Variants in DYNC1I1 observed in about 807,000 individuals in gnomAD.
The protein encoded by DYNC1I1 is cytoplasmic dynein 1 intermediate chain 1.
In DYNC1I1, 43 loss-of-function variants were observed where a neutral mutation model predicts 86.6. That is an observed-to-expected ratio of 0.50 (90% confidence interval 0.39 to 0.64). DYNC1I1 has a LOEUF of 0.64. DYNC1I1 is among the 30% of genes least tolerant of loss of function. The pLI, the probability that DYNC1I1 is intolerant of heterozygous loss-of-function variation, is 0.00. For missense variants in DYNC1I1, 604 were observed against 788.8 expected, an observed-to-expected ratio of 0.77 and a Z score of 2.81; for synonymous variants, 262 against 283.7, an observed-to-expected ratio of 0.92 and a Z score of 0.77.
At chr7:95,873,689 A>G (rs1242357065) in intron 6 of DYNC1I1, among the ~76,000 whole-genome samples, 2 of 152,172 alleles carry the variant, frequency 1.3e-5, no homozygotes, top group Admixed American at 6.5e-5. Flanking sequence ...GAGATTGACA[A>G]GGGCTACAGA....
intron 14 of DYNC1I1, among the ~76,000 whole-genome samples, chr7:96,074,728 A>C (rs1273041171): frequency 1.3e-5 from 2 of 152,190 alleles, no homozygotes; most frequent in Non-Finnish European, 2.9e-5. Context: ...TTCAGCAGAG[A>C]TATTTTGTGC....
intron 6 of DYNC1I1, among the ~76,000 whole-genome samples, chr7:95,940,351 C>T (rs1461887903): frequency 1.3e-5 from 2 of 152,096 alleles, no homozygotes; most frequent in African/African-American, 2.4e-5. Context: ...GCCTGCCTTG[C>T]TAGATTGGGG....
chr7:95,932,715 T>G (rs989778809), intron 6 of DYNC1I1, among the ~76,000 whole-genome samples: 10 of 152,142 alleles, frequency 6.6e-5, no homozygotes, highest in African/African-American at 2.4e-4. Flanking sequence ...TTGTTCAAGA[T>G]CATAGTAGTA....
chr7:95,781,793 A>G (rs1794000309), intron 1 of DYNC1I1, among the ~76,000 whole-genome samples: 1 of 152,188 alleles, frequency 6.6e-6, no homozygotes. Context: ...GTACTTTCTT[A>G]TTCTTTACAC....
chr7:95,788,252 G>A (rs999004800), intron 1 of DYNC1I1, among the ~76,000 whole-genome samples: 1 of 152,166 alleles, frequency 6.6e-6, no homozygotes, highest in African/African-American at 2.4e-5. Flanking sequence ...GCAGAAATAT[G>A]GATGACAGAT....
At chr7:95,918,411 C>T (rs1046497608) in intron 6 of DYNC1I1, among the ~76,000 whole-genome samples, 1 of 152,166 alleles carries the variant, frequency 6.6e-6, no homozygotes, top group Non-Finnish European at 1.5e-5. Context: ...TTCTCCTCCC[C>T]ACTTGCTAAC....
In DYNC1I1 at chr7:96,032,618, C is replaced by G. The variant is rs12164097; in HGVS notation, c.1117-49C>G. ...AATGTGTTTGACACTCAAATGTAAG[C>G]ATTTCCTCTTGGATCTGTCTCTGAT... On this transcript the variant is annotated intron_variant, in intron 11 of 16. Coordinates refer to ENST00000447467, the MANE Select transcript of DYNC1I1 (RefSeq NM_001135556.2). 5.9e-5 allele frequency: 82 copies of G among 1,390,358 alleles called. No individual in the cohort carries two copies. The East Asian group carries it at 1.1e-3, about 18-fold the overall frequency. 86.1% of individuals were successfully genotyped at this position (1,390,358 alleles called of 1,614,324 possible).
intron 16 of DYNC1I1, among the ~76,000 whole-genome samples, chr7:96,088,149 G>A (rs1300908873): frequency 1.3e-5 from 2 of 152,008 alleles, no homozygotes; most frequent in African/African-American, 2.4e-5. Flanking sequence ...GCTTATTCAG[G>A]TAGCATTAGT....
intron 1 of DYNC1I1, among the ~76,000 whole-genome samples, chr7:95,782,901 T>C (rs1011316928): frequency 2.0e-5 from 3 of 152,150 alleles, no homozygotes; most frequent in African/African-American, 7.2e-5. Flanking sequence ...CGAACTCCTC[T>C]CGATGTTCAG....
chr7:95,785,773 GTGTATATATA>G (rs1229290929), intron 1 of DYNC1I1, among the ~76,000 whole-genome samples: 1 of 56,438 alleles, frequency 1.8e-5, no homozygotes, highest in East Asian at 5.4e-4. Context: ...ATGTGTGTAT[GTGTATATATA>G]TATATATATA....
intron 4 of DYNC1I1, among the ~76,000 whole-genome samples, chr7:95,820,818 T>TCCTCCTG (rs1795057754): frequency 6.6e-6 from 1 of 152,236 alleles, no homozygotes; most frequent in African/African-American, 2.4e-5. Context: ...TCTCAAGTGA[T>TCCTCCTG]CCTCCTGCCT....
intron 6 of DYNC1I1, among the ~76,000 whole-genome samples, chr7:95,956,876 G>C (rs1430687376): frequency 6.6e-6 from 1 of 152,026 alleles, no homozygotes; most frequent in Non-Finnish European, 1.5e-5. Flanking sequence ...ATTGGCTATT[G>C]GAACTACATG....
intron 16 of DYNC1I1, among the ~76,000 whole-genome samples, chr7:96,092,448 C>G (rs534096787): frequency 1.3e-5 from 2 of 152,266 alleles, no homozygotes; most frequent in African/African-American, 2.4e-5. Context: ...ACCATGCATT[C>G]CCTAAAGACA....
chr7:96,081,373 T>G (rs1050168861), intron 16 of DYNC1I1, among the ~76,000 whole-genome samples: 1 of 152,088 alleles, frequency 6.6e-6, no homozygotes, highest in Non-Finnish European at 1.5e-5. Flanking sequence ...ACAAATCTCC[T>G]TGAATTTGCA....
At chr7:96,063,120 T>A (rs935068010) in intron 14 of DYNC1I1, among the ~76,000 whole-genome samples, 1 of 144,592 alleles carries the variant, frequency 6.9e-6, no homozygotes, top group African/African-American at 2.6e-5. Context: ...TGTGTGTGTG[T>A]GTGTGTGTGT....
chr7:95,849,104 C>T (rs1191347830), intron 5 of DYNC1I1, among the ~76,000 whole-genome samples: 2 of 150,664 alleles, frequency 1.3e-5, no homozygotes, highest in Non-Finnish European at 3.0e-5. Context: ...AATTGAGTTC[C>T]TTATATATTT....
At chr7:95,880,888 G>T (rs1315254348) in intron 6 of DYNC1I1, among the ~76,000 whole-genome samples, 1 of 151,630 alleles carries the variant, frequency 6.6e-6, no homozygotes, top group African/African-American at 2.4e-5. Flanking sequence ...CTCACGATCC[G>T]CCCATCTCAG....
At chr7:95,862,776 T>C (rs1326049298) in intron 5 of DYNC1I1, among the ~76,000 whole-genome samples, 3 of 152,218 alleles carry the variant, frequency 2.0e-5, no homozygotes, top group African/African-American at 7.2e-5. Flanking sequence ...CTCGGGGGAT[T>C]GGTTCTAGGA....
intron 6 of DYNC1I1, among the ~76,000 whole-genome samples, chr7:95,945,524 T>C (rs1562952188): frequency 6.6e-6 from 1 of 152,158 alleles, no homozygotes; most frequent in Non-Finnish European, 1.5e-5. Flanking sequence ...ATATAATAAA[T>C]TAACTTCAGA....
Sources: gnomAD v4.1 joint callset for allele counts (sites outside exome capture counted in the v4.1 genomes callset) on GRCh38, gnomAD v4.1.1 for gene constraint, MANE v1.5 for transcripts, NCBI Gene and HGNC (gene_info 2026-07-23, HGNC 2026-07-21) for gene names.